GSDMC: variants seen among roughly 807,000 people sequenced by gnomAD.
GSDMC encodes the protein gasdermin-C.
Under a neutral mutation model 58.0 loss-of-function variants are expected in GSDMC, and 59 were observed. The observed-to-expected ratio is 1.02, with a 90% CI of 0.82 to 1.26. The LOEUF (loss-of-function observed/expected upper bound fraction) is 1.26, where lower values mean the gene tolerates loss of function less well. GSDMC is among the 50% of genes most tolerant of loss of function. The pLI is 0.00. For missense variants in GSDMC, 659 were observed against 598.5 expected (o/e 1.10, Z -1.06); for synonymous variants, 241 against 220.2 (o/e 1.09, Z -0.83).
At chr8:129,733,639 A>T in the GSDMC span, among the ~76,000 whole-genome samples, 5 of 152,244 alleles carry the variant, frequency 3.3e-5, no homozygotes, top group East Asian at 9.6e-4. Context: ...AACAAAAAGC[A>T]CATCCACACC....
chr8:129,709,170 C>G, the GSDMC span, among the ~76,000 whole-genome samples: 4 of 114,828 alleles, frequency 3.5e-5, no homozygotes, highest in Admixed American at 3.3e-4. Context: ...TGAATTCCCC[C>G]TTCTTTTTTT....
chr8:129,761,195 A>T (rs1243818341), intron 5 of GSDMC, among the ~76,000 whole-genome samples: 1 of 152,160 alleles, frequency 6.6e-6, no homozygotes, highest in Non-Finnish European at 1.5e-5. Context: ...AGCTGATGCA[A>T]GGAGTGGAGA....
At position 129,752,582 on chromosome 8, in the gene GSDMC, G is replaced by A. The variant is rs1454583193; in HGVS notation, c.844+116C>T. 4.2e-6 allele frequency: 6 copies of A among 1,434,352 alleles called. No homozygotes were observed. The African/African-American group carries it at 4.2e-5, about 10-fold the overall frequency. 88.9% of individuals were successfully genotyped at this position (1,434,352 alleles called of 1,614,324 possible). A position where few individuals can be genotyped will look rare whatever the true frequency, so the allele number is the denominator to read the frequency against. On this transcript the variant is annotated intron_variant, in intron 7 of 13. Coordinates refer to ENST00000276708, the MANE Select transcript of GSDMC (RefSeq NM_031415.3). Reference sequence around the variant, plus strand: ...CTGCCAGAGGAGGATGAGCAAGATGGTGCAATAGAAGCCTACATGGTTCAT... The same window carrying A: ...CTGCCAGAGGAGGATGAGCAAGATGATGCAATAGAAGCCTACATGGTTCAT...
chr8:129,748,599 G>C lies in GSDMC; in HGVS notation c.1429C>G (p.Leu477Val). ...LLEECGLRME[L>V]DNPRSTWDVE... ...TCCCAGGTTGACCTGGGGTTATCCAGCTCCATCCTAAGGCCACACTCCTCC... is the reference window on the plus strand; with the variant it reads ...TCCCAGGTTGACCTGGGGTTATCCACCTCCATCCTAAGGCCACACTCCTCC... The change falls in exon 14 of 14, where the codon CTG becomes GTG. Residue 477 changes from leucine (L) to valine (V), a missense_variant. Leu to Val is a conservative substitution (Grantham distance 32). Coordinates refer to ENST00000276708, the MANE Select transcript of GSDMC (RefSeq NM_031415.3). The C allele has an allele frequency of 6.2e-7, 1 of 1,613,738 alleles. No homozygotes were observed. Among genetic ancestry groups the C allele is most frequent in the Non-Finnish European group, 8.5e-7 (1 of 1,179,832 alleles).
At chr8:129,745,990 A>C, downstream of GSDMC, among the ~76,000 whole-genome samples, 1 of 146,244 alleles carries the variant, frequency 6.8e-6, no homozygotes, top group Non-Finnish European at 1.6e-5. Context: ...TTGATAAAAG[A>C]GTTGAGAAAA....
chr8:129,784,426 G>T (rs767629009), intron 1 of GSDMC, among the ~76,000 whole-genome samples: 1 of 151,896 alleles, frequency 6.6e-6, no homozygotes, highest in Non-Finnish European at 1.5e-5. Flanking sequence ...ATTAAAATAT[G>T]GGCAAAAGAG....
chr8:129,779,932 G>T (rs951181614), intron 1 of GSDMC, among the ~76,000 whole-genome samples: 2 of 152,016 alleles, frequency 1.3e-5, no homozygotes, highest in Non-Finnish European at 1.5e-5. Flanking sequence ...TAAGGAAATT[G>T]AAATAATTAA....
chr8:129,742,395 G>T, the GSDMC span, among the ~76,000 whole-genome samples: 1 of 152,028 alleles, frequency 6.6e-6, no homozygotes. Context: ...ATACAATTAT[G>T]ATTTATCAAC....
At chr8:129,777,703 G>C (rs959225359) in intron 1 of GSDMC, 112 bp from the exon 2 acceptor site, 31 of 673,104 alleles carry the variant, frequency 4.6e-5, no homozygotes, top group Non-Finnish European at 8.2e-5. Context: ...AGATTAGCAG[G>C]TCTTTACTTA....
chr8:129,749,974 C>T lies in GSDMC; in HGVS notation c.1213+16G>A. 1 of 1,572,270 alleles carries T rather than the reference C, an allele frequency of 6.4e-7. No homozygotes were observed. On this transcript the variant is annotated intron_variant, in intron 12 of 13. Transcript: ENST00000276708. ...AATCTTGTGATTCTCCCATTCTTCC[C>T]TTTAATTACTCTTACCCATTATGGC...
chr8:129,760,375 C>T (rs530879134), intron 6 of GSDMC, among the ~76,000 whole-genome samples, 170 bp downstream of exon 6: 1 of 152,060 alleles, frequency 6.6e-6, no homozygotes, highest in African/African-American at 2.4e-5. Context: ...AACTGGATTG[C>T]TTAGAACATG....
At chr8:129,757,646 T>C (rs1056227050) in intron 6 of GSDMC, among the ~76,000 whole-genome samples, 4 of 151,852 alleles carry the variant, frequency 2.6e-5, no homozygotes, top group Non-Finnish European at 5.9e-5. Context: ...TGAATATTGA[T>C]GCAAAAATTT....
chr8:129,733,567 C>A, the GSDMC span, among the ~76,000 whole-genome samples: 76 of 152,324 alleles, frequency 5.0e-4, no homozygotes, highest in African/African-American at 1.8e-3. Flanking sequence ...AACAGACCTG[C>A]AGCTGAGGGA....
intron 6 of GSDMC, among the ~76,000 whole-genome samples, chr8:129,754,912 G>A (rs190076697): frequency 8.5e-5 from 13 of 152,094 alleles, no homozygotes; most frequent in Admixed American, 2.0e-4. Context: ...AAAATATACC[G>A]TCAGAGGAAC....
Position 129,765,669 on chromosome 8 carries a change from T to C in GSDMC, c.529A>G (p.Asn177Asp), listed in dbSNP as rs747603724. 1 of 1,613,416 alleles carries C rather than the reference T, an allele frequency of 6.2e-7. No homozygotes were observed. Among genetic ancestry groups the C allele is most frequent in the Admixed American group, 1.7e-5 (1 of 60,018 alleles). ...CAAAGAGCAATTTTCCCTAAAATATTCACACTACTGCTATCGTACAGCACA... is the reference window on the plus strand; with the variant it reads ...CAAAGAGCAATTTTCCCTAAAATATCCACACTACTGCTATCGTACAGCACA... ...NTVLYDSSSV[N>D]ILGKIALWIT... The change falls in exon 4 of 14, where the codon AAT becomes GAT. Residue 177 changes from asparagine (N) to aspartate (D), a missense_variant. By Grantham distance (23) the Asn-to-Asp change is conservative. Coordinates refer to ENST00000276708, the MANE Select transcript of GSDMC (RefSeq NM_031415.3).
At chr8:129,770,434 T>G (rs2034010414) in intron 3 of GSDMC, among the ~76,000 whole-genome samples, 1 of 152,188 alleles carries the variant, frequency 6.6e-6, no homozygotes, top group Non-Finnish European at 1.5e-5. Context: ...AGGCAGAGGT[T>G]GCAGTTAGCT....
chr8:129,740,069 AAG>A, the GSDMC span, among the ~76,000 whole-genome samples: 1 of 152,060 alleles, frequency 6.6e-6, no homozygotes, highest in Non-Finnish European at 1.5e-5. Context: ...AATAAAGAAA[AAG>A]AAATTTTACA....
chr8:129,745,008 C>A (rs1028066149), downstream of GSDMC, among the ~76,000 whole-genome samples: 1 of 152,130 alleles, frequency 6.6e-6, no homozygotes, highest in Non-Finnish European at 1.5e-5. Context: ...TAAACATAGC[C>A]TATAAGGGAT....
chr8:129,764,577 G>A (rs1323810760), intron 4 of GSDMC, among the ~76,000 whole-genome samples: 1 of 152,170 alleles, frequency 6.6e-6, no homozygotes, highest in Non-Finnish European at 1.5e-5. Flanking sequence ...AAGTTTTCCA[G>A]AAGGTCTTCT....
Sources: allele counts gnomAD v4.1 joint callset (sites outside exome capture counted in the v4.1 genomes callset), GRCh38; gene constraint gnomAD v4.1.1; transcripts MANE v1.5; gene names NCBI Gene and HGNC (gene_info 2026-07-23, HGNC 2026-07-21).